Variants in YTHDF1 observed in about 807,000 individuals in gnomAD.
YTHDF1 encodes the protein YTH domain-containing family protein 1.
In YTHDF1, 16 loss-of-function variants were observed where a neutral mutation model predicts 49.1. The observed-to-expected ratio is 0.33, with a 90% CI of 0.22 to 0.49. YTHDF1 has a LOEUF of 0.49. YTHDF1 is among the 20% of genes least tolerant of loss of function. YTHDF1 has a pLI of 0.99. For synonymous variants in YTHDF1, 313 were observed against 290.1 expected, an observed-to-expected ratio of 1.08 and a Z score of -0.80; for missense variants, 621 against 744.3, an observed-to-expected ratio of 0.83 and a Z score of 1.93.
At chr20:63,210,548 C>G (rs1352825805) in intron 3 of YTHDF1, among the ~76,000 whole-genome samples, 1 of 152,128 alleles carries the variant, frequency 6.6e-6, no homozygotes, top group African/African-American at 2.4e-5. Flanking sequence ...CTGTGGGAGG[C>G]TGAGGCAGGG....
At chr20:63,196,769 T>TA (rs1228071119) in intron 4 of YTHDF1, 35 bp from the exon 5 acceptor site, 1 of 1,612,828 alleles carries the variant, frequency 6.2e-7, no homozygotes, top group Non-Finnish European at 8.5e-7. Context: ...GAACGCAGAG[T>TA]AACCACACCA....
chr20:63,198,792 A>G (rs1028691835), intron 4 of YTHDF1, among the ~76,000 whole-genome samples: 4 of 152,224 alleles, frequency 2.6e-5, no homozygotes, highest in Non-Finnish European at 5.9e-5. Flanking sequence ...AAGTGGGGTC[A>G]GGTCAGGGGC....
chr20:63,203,646 A>T lies in YTHDF1; in HGVS notation c.294T>A (p.His98Gln), dbSNP rs776708449. Residue 98 changes from histidine (H) to glutamine (Q), a missense_variant, in exon 4 of 5, where the codon CAT (histidine) becomes CAA (glutamine). Physicochemically the swap from His to Gln is conservative, Grantham distance 24 (BLOSUM62 0). Transcript: ENST00000370339. The surrounding 1 kb of genome is among the most constrained non-coding windows in gnomAD (Gnocchi z 4.4). ...GCCCAAAAACAGCATCGTGCATAAA[A>T]TGATGGTCTCCGTTACTGAGCTGTC... ...TYGQLSNGDH[H>Q]FMHDAVFGQP... 15 of 1,614,056 alleles carry T rather than the reference A, an allele frequency of 9.3e-6. No homozygotes were observed. The highest frequency in any genetic ancestry group is 1.3e-5 in the African/African-American group (1 of 74,908).
Position 63,215,608 on chromosome 20 carries a change from C to G in YTHDF1, c.28-7G>C. On this transcript the variant is annotated splice_polypyrimidine_tract_variant and splice_region_variant and intron_variant, in intron 1 of 4. Coordinates refer to ENST00000370339, the MANE Select transcript of YTHDF1 (RefSeq NM_017798.4). ...TATCTTGTCCTTTTGTTCTCTGCAC[C>G]GCCGCAGGCCGGGACGTGGGGTACA... 4 of 1,608,180 alleles carry G rather than the reference C, an allele frequency of 2.5e-6. No homozygotes were observed. The highest frequency in any genetic ancestry group is 3.4e-6 in the Non-Finnish European group (4 of 1,177,470).
rs1379803075 is a variant in YTHDF1 at position 63,213,864 on chromosome 20, C to G, written c.132G>C (p.Gln44His). The G allele has an allele frequency of 6.3e-7, 1 of 1,599,714 alleles. No homozygotes were observed. Among genetic ancestry groups the G allele is most frequent in the Non-Finnish European group, 8.5e-7 (1 of 1,175,984 alleles). The part of the protein sequence containing the change: ...FEPYLTGQSN[Q>H]SNSYPSMSDP... ...ATATATGCTAACAAAATAAACTCAC[C>G]TGATTTGACTGTCCAGTAAGGTAGG... Residue 44 changes from glutamine to histidine, a missense_variant and splice_region_variant, in exon 3 of 5, where the codon CAG (glutamine) becomes CAC (histidine). Physicochemically the swap from Gln to His is conservative, Grantham distance 24. This residue lies in a region of YTHDF1 where 470 missense variants were observed against 495.8 expected (regional missense o/e 0.95). Transcript: ENST00000370339.
chr20:63,196,821 C>T (rs775559973), intron 4 of YTHDF1, 87 bp from the exon 5 acceptor site: 75 of 1,520,394 alleles, frequency 4.9e-5, no homozygotes, highest in Non-Finnish European at 6.0e-5. Context: ...TGCCCCTTAG[C>T]AGCACCTGCA....
At chr20:63,198,463 A>G (rs914883722) in intron 4 of YTHDF1, among the ~76,000 whole-genome samples, 1 of 151,764 alleles carries the variant, frequency 6.6e-6, no homozygotes. Context: ...TCTTAACAAA[A>G]GAGGTACTGC....
intron 1 of YTHDF1, 39 bp downstream of exon 1, chr20:63,215,827 T>A: frequency 6.9e-7 from 1 of 1,452,332 alleles, no homozygotes. Flanking sequence ...ACCCCGCGCC[T>A]CGGCCCCGGC....
At chr20:63,199,245 C>T (rs1011807463) in intron 4 of YTHDF1, among the ~76,000 whole-genome samples, 12 of 152,180 alleles carry the variant, frequency 7.9e-5, no homozygotes, top group Admixed American at 2.0e-4. Context: ...CTCGGCCGGG[C>T]GCAGTGGCTC....
chr20:63,207,012 A>G (rs923302256), intron 3 of YTHDF1, among the ~76,000 whole-genome samples: 3 of 152,212 alleles, frequency 2.0e-5, no homozygotes, highest in African/African-American at 7.2e-5. Flanking sequence ...GCCTCCTTTC[A>G]GGGCCTTTGA....
chr20:63,212,711 G>A (rs746458115), intron 3 of YTHDF1, among the ~76,000 whole-genome samples: 4 of 152,198 alleles, frequency 2.6e-5, no homozygotes, highest in Admixed American at 1.3e-4. Flanking sequence ...GCACAGAGGA[G>A]AGAGAGCAGC....
At position 63,197,353 on chromosome 20, in the gene YTHDF1, C is replaced by T. The variant is rs531796307; in HGVS notation, c.1654-619G>A. ...CATGCCCCTCCCCACTCCCCCACGG[C>T]TAGACTGGCTCAAGGCAAAGCTCCT... On this transcript the variant is annotated intron_variant, in intron 4 of 4. Coordinates refer to ENST00000370339, the MANE Select transcript of YTHDF1 (RefSeq NM_017798.4). Among the ~76,000 whole-genome samples, 210 of 152,302 alleles carry T rather than the reference C, an allele frequency of 1.4e-3. 1 individual carries two copies. The highest frequency in any genetic ancestry group is 2.6e-3 in the Non-Finnish European group (179 of 68,024).
At chr20:63,202,229 C>G in intron 4 of YTHDF1, 58 bp downstream of exon 4, 1 of 1,553,972 alleles carries the variant, frequency 6.4e-7, no homozygotes, top group East Asian at 2.3e-5. Flanking sequence ...GCCACCTGGT[C>G]TAAGTACGGC....
chr20:63,210,240 G>A (rs1158170978), intron 3 of YTHDF1, among the ~76,000 whole-genome samples: 2 of 152,156 alleles, frequency 1.3e-5, no homozygotes, highest in African/African-American at 4.8e-5. Flanking sequence ...GGCAGCACAG[G>A]TACAGGCATG....
intron 4 of YTHDF1, among the ~76,000 whole-genome samples, chr20:63,199,906 AAAAATTAGCCAGGCGTGGTGGTGC>A (rs1186152173): frequency 6.6e-5 from 10 of 152,258 alleles, no homozygotes; most frequent in African/African-American, 2.2e-4. Context: ...AAAAAAATAC[AAAAATTAGCCAGGCGTGGTGGTGC>A]ACGCCTGTAG....
intron 3 of YTHDF1, among the ~76,000 whole-genome samples, chr20:63,211,339 C>A (rs1453031361): frequency 6.6e-6 from 1 of 152,098 alleles, no homozygotes; most frequent in East Asian, 1.9e-4. Context: ...GTGGCACATG[C>A]CTGTAGTCCT....
intron 3 of YTHDF1, among the ~76,000 whole-genome samples, chr20:63,204,407 G>A (rs931253699): frequency 6.6e-6 from 1 of 152,176 alleles, no homozygotes; most frequent in Non-Finnish European, 1.5e-5. Flanking sequence ...TGCTTCAGAG[G>A]CTCCTTCCAC....
intron 4 of YTHDF1, among the ~76,000 whole-genome samples, chr20:63,201,215 G>C (rs2066515814): frequency 6.6e-6 from 1 of 152,178 alleles, no homozygotes; most frequent in South Asian, 2.1e-4. Context: ...ACTGCAGACA[G>C]TGCAGGCGGC....
chr20:63,206,813 T>A (rs1298438347), intron 3 of YTHDF1, among the ~76,000 whole-genome samples: 5 of 152,262 alleles, frequency 3.3e-5, no homozygotes, highest in Non-Finnish European at 5.9e-5. Context: ...TAAAGCTATG[T>A]GAAGTCAGTC....
Sources: allele counts gnomAD v4.1 joint callset (sites outside exome capture counted in the v4.1 genomes callset), GRCh38; gene constraint gnomAD v4.1.1; regional missense constraint gnomAD v4.1.1; non-coding constraint Gnocchi (gnomAD v3.1); transcripts MANE v1.5; gene names NCBI Gene and HGNC (gene_info 2026-07-23, HGNC 2026-07-21).